Variants in UBOX5 observed in about 807,000 individuals in gnomAD.
UBOX5 encodes U-box domain containing 5, also known as RING finger protein 37.
Under a neutral mutation model 39.0 loss-of-function variants are expected in UBOX5, and 28 were observed. The observed-to-expected ratio is 0.72, with a 90% CI of 0.53 to 0.98. The LOEUF is 0.98. UBOX5 is among the 50% of genes least tolerant of loss of function. The pLI is 0.00. For synonymous variants in UBOX5, 283 were observed against 275.5 expected (o/e 1.03, Z -0.27); for missense variants, 585 against 674.4 (o/e 0.87, Z 1.47).
chr20:3,148,796 T>TG (rs1381339492), intron 1 of UBOX5: 5 of 1,614,114 alleles, frequency 3.1e-6, no homozygotes, highest in Non-Finnish European at 4.2e-6. Context: ...TGAGCCCAGC[T>TG]GCAATGTACT....
rs758198382 is a variant in UBOX5 at position 3,107,889 on chromosome 20, G to C, written c.*2217C>G. ...ACAGCTGCTTAAGGGGAGGCAGTCCGGCCCTCATCTGGGAGCGCCGTGCTG... is the reference window on the plus strand; with the variant it reads ...ACAGCTGCTTAAGGGGAGGCAGTCCCGCCCTCATCTGGGAGCGCCGTGCTG... On this transcript the variant is annotated 3_prime_UTR_variant, in exon 5 of 5. Transcript: ENST00000217173. The surrounding 1 kb of genome is among the most constrained non-coding windows in gnomAD (Gnocchi z 5.0). The C allele has an allele frequency of 6.6e-6, 1 of 152,178 alleles. No homozygotes were observed. The highest frequency in any genetic ancestry group is 2.4e-5 in the African/African-American group (1 of 41,424). The allele number at this position is 152,178 out of a possible 1,614,324, so 9.4% of individuals were successfully genotyped here. A position where few individuals can be genotyped will look rare whatever the true frequency, so the allele number is the denominator to read the frequency against.
At chr20:3,142,103 G>A (rs1162559989) in intron 1 of UBOX5, among the ~76,000 whole-genome samples, 2 of 150,744 alleles carry the variant, frequency 1.3e-5, no homozygotes, top group African/African-American at 4.9e-5. Flanking sequence ...AGGCTGCGGT[G>A]AGCCATGATA....
At chr20:3,133,878 G>A (rs1475685261) in intron 1 of UBOX5, among the ~76,000 whole-genome samples, 2 of 151,774 alleles carry the variant, frequency 1.3e-5, no homozygotes, top group African/African-American at 2.4e-5. Context: ...TCTGCCTCCC[G>A]AGTATCTGGG....
intron 1 of UBOX5, among the ~76,000 whole-genome samples, chr20:3,137,470 T>C (rs1258956593): frequency 2.6e-5 from 4 of 152,062 alleles, no homozygotes; most frequent in African/African-American, 9.7e-5. Flanking sequence ...GGTTTCAACA[T>C]GTTGGCCAGG....
chr20:3,148,981 G>A lies in UBOX5; in HGVS notation c.-42+10785C>T, dbSNP rs143442390. 6.8e-6 allele frequency: 11 copies of A among 1,614,082 alleles called. No individual in the cohort carries two copies. The African/African-American group carries it at 1.5e-4, about 22-fold the overall frequency. On this transcript the variant is annotated intron_variant, in intron 1 of 4. Transcript: ENST00000217173. The stretch of plus-strand genomic sequence containing the variant: ...CATGCTGTGTGCTGCTCACATTCCA[G>A]TATGACACACTTCGGACTGCACCAA...
chr20:3,126,378 C>T (rs2066388385), intron 1 of UBOX5, among the ~76,000 whole-genome samples: 1 of 151,974 alleles, frequency 6.6e-6, no homozygotes, highest in Non-Finnish European at 1.5e-5. Context: ...TGCGGAAGGC[C>T]GCAGGGACCT....
intron 1 of UBOX5, among the ~76,000 whole-genome samples, chr20:3,128,285 T>G (rs1280973294): frequency 6.6e-6 from 1 of 152,172 alleles, no homozygotes; most frequent in Non-Finnish European, 1.5e-5. Flanking sequence ...TTGTTTTAAA[T>G]GTAAAATTAA....
chr20:3,113,030 T>C (rs2066265179), intron 4 of UBOX5, among the ~76,000 whole-genome samples: 1 of 145,778 alleles, frequency 6.9e-6, no homozygotes, highest in South Asian at 2.2e-4. Flanking sequence ...TCCCAGCACT[T>C]TGGGAAGCTG....
chr20:3,123,822 C>A (rs1191870204), intron 1 of UBOX5, among the ~76,000 whole-genome samples: 1 of 152,178 alleles, frequency 6.6e-6, no homozygotes, highest in Non-Finnish European at 1.5e-5. Flanking sequence ...TCATTTAATA[C>A]TTGTCAATGC....
rs146797160 is a variant in UBOX5 at position 3,137,559 on chromosome 20, G to A, written c.-41-14153C>T. On this transcript the variant is annotated intron_variant, in intron 1 of 4. Transcript: ENST00000217173. ...GTTGGGATTACAAGTGTGAGCCACC[G>A]TGCCTGGCTGTAACATCTTGCATAG... 3.0e-4 allele frequency among the ~76,000 whole-genome samples: 45 copies of A among 152,284 alleles called. 1 individual carries two copies. The East Asian group carries it at 8.5e-3, about 29-fold the overall frequency.
At chr20:3,120,536 C>T (rs1025135278) in intron 3 of UBOX5, among the ~76,000 whole-genome samples, 1 of 150,966 alleles carries the variant, frequency 6.6e-6, no homozygotes, top group African/African-American at 2.4e-5. Context: ...ATCCCAGCTA[C>T]TCGGGAGGCT....
At chr20:3,120,561 G>C (rs1487820497) in intron 3 of UBOX5, among the ~76,000 whole-genome samples, 1 of 149,486 alleles carries the variant, frequency 6.7e-6, no homozygotes, top group Admixed American at 6.7e-5. Context: ...CAGGAGAATG[G>C]TGTGAACCCG....
chr20:3,111,147 G>C (rs1317583163), intron 4 of UBOX5, among the ~76,000 whole-genome samples: 3 of 152,174 alleles, frequency 2.0e-5, no homozygotes, highest in Non-Finnish European at 4.4e-5. Flanking sequence ...GCCCCACCAG[G>C]CTGCACCCAC....
chr20:3,142,487 C>T (rs1043768288), intron 1 of UBOX5, among the ~76,000 whole-genome samples: 1 of 151,624 alleles, frequency 6.6e-6, no homozygotes, highest in Admixed American at 6.6e-5. Context: ...GCCTATAATC[C>T]TAGCTACTAT....
chr20:3,127,233 C>T (rs750717256), intron 1 of UBOX5, among the ~76,000 whole-genome samples: 3 of 152,008 alleles, frequency 2.0e-5, no homozygotes, highest in Non-Finnish European at 4.4e-5. Context: ...CCCTGACAGT[C>T]GTGGCCATGT....
chr20:3,117,772 A>G (rs1475162597), intron 3 of UBOX5, among the ~76,000 whole-genome samples: 1 of 151,836 alleles, frequency 6.6e-6, no homozygotes, highest in Admixed American at 6.6e-5. Flanking sequence ...CAGGCAGATC[A>G]CCTGAGGTCA....
intron 1 of UBOX5, among the ~76,000 whole-genome samples, chr20:3,139,793 TCC>T (rs1230097747): frequency 6.6e-6 from 1 of 151,382 alleles, no homozygotes; most frequent in Admixed American, 6.6e-5. Flanking sequence ...CACTGCAACC[TCC>T]GTCTCCTGGG....
intron 1 of UBOX5, among the ~76,000 whole-genome samples, chr20:3,155,366 C>T (rs2066673489): frequency 6.6e-6 from 1 of 152,124 alleles, no homozygotes; most frequent in Admixed American, 6.5e-5. Context: ...CACGTCTCTC[C>T]TAAAAATACA....
rs1011913143 is a variant in UBOX5 at position 3,122,309 on chromosome 20, T to A, written c.330A>T (p.Pro110=). The change falls in exon 3 of 5, where the codon CCA becomes CCT. Residue 110 remains proline, a synonymous_variant. Coordinates refer to ENST00000217173, the MANE Select transcript of UBOX5 (RefSeq NM_014948.4). ...CTACCAAGGTGAACGCCTCCTTGTC[T>A]GGGACAGATGGCTCAGCTGGGCCCA... ...RTLGPAEPSV[P]DKEAFTLVGK... 1.9e-6 allele frequency: 3 copies of A among 1,614,200 alleles called. No homozygotes were observed. The South Asian group carries it at 3.3e-5, about 18-fold the overall frequency.
Sources: gnomAD v4.1 joint callset for allele counts (sites outside exome capture counted in the v4.1 genomes callset) on GRCh38, gnomAD v4.1.1 for gene constraint, Gnocchi (gnomAD v3.1) non-coding constraint, MANE v1.5 for transcripts, NCBI Gene and HGNC (gene_info 2026-07-23, HGNC 2026-07-21) for gene names.